Variants in BABAM2 observed in about 807,000 individuals in gnomAD.
The protein encoded by BABAM2 is BRISC and BRCA1 A complex member 2, also known as BRISC and BRCA1-A complex member 2.
A neutral mutation model predicts 54.7 loss-of-function variants in BABAM2; 31 were observed. That is an observed-to-expected ratio of 0.57 (90% CI 0.43 to 0.77). The LOEUF (loss-of-function observed/expected upper bound fraction) is 0.77. Among genes scored for constraint, BABAM2 ranks in the 30% least tolerant of loss-of-function variants. BABAM2 has a pLI of 0.00. For missense variants in BABAM2, 364 were observed against 455.8 expected (o/e 0.80, Z 1.83); for synonymous variants, 167 against 162.9 (o/e 1.03, Z -0.19).
At chr2:28,278,316 C>G (rs140575767) in intron 10 of BABAM2, among the ~76,000 whole-genome samples, 1 of 151,910 alleles carries the variant, frequency 6.6e-6, no homozygotes, top group South Asian at 2.1e-4. Context: ...TGATAAACCA[C>G]TTGGGAAACT....
chr2:28,319,153 C>T (rs1689811659), intron 11 of BABAM2, among the ~76,000 whole-genome samples: 1 of 152,200 alleles, frequency 6.6e-6, no homozygotes, highest in Admixed American at 6.5e-5. Context: ...TATAGAATTG[C>T]GTCCCAGTGA....
At chr2:28,205,326 C>A (rs888266063) in intron 7 of BABAM2, among the ~76,000 whole-genome samples, 1 of 151,802 alleles carries the variant, frequency 6.6e-6, no homozygotes, top group African/African-American at 2.4e-5. Context: ...ATGGTAAAAC[C>A]CCGTCTCTAC....
rs114702589 is a variant in BABAM2, at chr2:28,225,178, C to T, written c.681-12024C>T. 6.7e-3 allele frequency among the ~76,000 whole-genome samples: 1,024 copies of T among 152,272 alleles called. 13 individuals carry two copies. The highest frequency in any genetic ancestry group is 0.049 in the South Asian group (234 of 4,818). On this transcript the variant is annotated intron_variant, in intron 7 of 11. Transcript: ENST00000379624. Reference sequence around the variant, plus strand: ...GCTGCTTAGGCCAACCCGGGCTGATCGCAGTAGAGACAGGGCAGCCACAAG... The same window carrying T: ...GCTGCTTAGGCCAACCCGGGCTGATTGCAGTAGAGACAGGGCAGCCACAAG...
In BABAM2 at chr2:27,944,988, T is replaced by C. The variant is rs115168425; in HGVS notation, c.205+15080T>C. Among the ~76,000 whole-genome samples, 1,449 of 152,038 alleles carry C rather than the reference T, an allele frequency of 9.5e-3. 15 individuals carry two copies. The highest frequency in any genetic ancestry group is 0.016 in the Non-Finnish European group (1,118 of 67,980). On this transcript the variant is annotated intron_variant, in intron 3 of 11. Coordinates refer to ENST00000379624, the MANE Select transcript of BABAM2 (RefSeq NM_199191.3). Reference sequence around the variant, plus strand: ...TGCCAACATTAGTATTGTTGATCCATTTTGAGCTACCTTTTTTTTTTTTAA... The same window carrying C: ...TGCCAACATTAGTATTGTTGATCCACTTTGAGCTACCTTTTTTTTTTTTAA...
At chr2:28,219,106 G>C (rs1211996073) in intron 7 of BABAM2, among the ~76,000 whole-genome samples, 1 of 152,202 alleles carries the variant, frequency 6.6e-6, no homozygotes, top group African/African-American at 2.4e-5. Context: ...CCAGTGCAGA[G>C]CTCCTGCGGC....
At chr2:28,175,905 C>T (rs1313547078) in intron 7 of BABAM2, among the ~76,000 whole-genome samples, 1 of 152,204 alleles carries the variant, frequency 6.6e-6, no homozygotes, top group Non-Finnish European at 1.5e-5. Context: ...AACAAAACCT[C>T]ACCACAGCCT....
At chr2:28,202,017 G>T (rs1205622878) in intron 7 of BABAM2, among the ~76,000 whole-genome samples, 2 of 152,164 alleles carry the variant, frequency 1.3e-5, no homozygotes, top group African/African-American at 2.4e-5. Flanking sequence ...GGAATTGCAG[G>T]TCAGGAGCAT....
chr2:28,318,974 G>A (rs1689797270), intron 11 of BABAM2, among the ~76,000 whole-genome samples: 1 of 152,192 alleles, frequency 6.6e-6, no homozygotes, highest in South Asian at 2.1e-4. Flanking sequence ...CTTCCTTTCT[G>A]AGCCTAAGCA....
At chr2:28,163,161 A>G (rs1422429349) in intron 7 of BABAM2, among the ~76,000 whole-genome samples, 1 of 152,034 alleles carries the variant, frequency 6.6e-6, no homozygotes, top group Admixed American at 6.6e-5. Context: ...AGCCTAGTGA[A>G]ATCCTCACTC....
intron 11 of BABAM2, among the ~76,000 whole-genome samples, chr2:28,303,718 C>G (rs1178973066): frequency 6.6e-6 from 1 of 152,050 alleles, no homozygotes; most frequent in Non-Finnish European, 1.5e-5. Context: ...CCAACGCCCC[C>G]CCCACCAAAA....
At chr2:28,193,304 A>G (rs1278596728) in intron 7 of BABAM2, among the ~76,000 whole-genome samples, 1 of 152,158 alleles carries the variant, frequency 6.6e-6, no homozygotes, top group Non-Finnish European at 1.5e-5. Context: ...GAACCTCTAC[A>G]TTCTTGAGCC....
intron 1 of BABAM2, among the ~76,000 whole-genome samples, chr2:27,893,992 C>CAAAAAAA (rs778759632): frequency 2.5e-5 from 1 of 40,622 alleles, no homozygotes; most frequent in African/African-American, 7.6e-5. Context: ...GACTCTGTCG[C>CAAAAAAA]AAAAAAAAAA....
In BABAM2 at chr2:28,194,932, G is replaced by A. The variant is rs79364836; in HGVS notation, c.681-42270G>A. On this transcript the variant is annotated intron_variant, in intron 7 of 11. Coordinates refer to ENST00000379624, the MANE Select transcript of BABAM2 (RefSeq NM_199191.3). ...CCTGGTCTTGAATTCCTGGCATCAC[G>A]TGATCCACCTGCCTCCGCCTCCCAA... Among the ~76,000 whole-genome samples the A allele has an allele frequency of 9.4e-3, 1,425 of 152,276 alleles. 88 individuals are homozygous for A. In the East Asian group the frequency reaches 0.17, roughly 18 times the overall value.
intron 3 of BABAM2, among the ~76,000 whole-genome samples, chr2:27,944,485 A>G (rs1669149342): frequency 6.6e-6 from 1 of 152,158 alleles, no homozygotes; most frequent in Non-Finnish European, 1.5e-5. Flanking sequence ...ATAATATATT[A>G]TGTAGTTTTT....
upstream of BABAM2, chr2:27,890,160 C>A: frequency 8.8e-7 from 1 of 1,130,194 alleles, no homozygotes; most frequent in South Asian, 1.3e-5. This position sits in a 1 kb window ranked among gnomAD's most constrained non-coding sequence, Gnocchi z 4.8. Flanking sequence ...CACTGTCTAT[C>A]CCTGGAGACC....
At chr2:27,921,960 A>G (rs1449486636) in intron 2 of BABAM2, among the ~76,000 whole-genome samples, 4 of 152,318 alleles carry the variant, frequency 2.6e-5, no homozygotes, top group Admixed American at 2.0e-4. Flanking sequence ...GTACAACACT[A>G]GGAGTCAAGA....
intron 7 of BABAM2, among the ~76,000 whole-genome samples, chr2:28,234,372 C>T (rs1681709837): frequency 6.6e-6 from 1 of 152,036 alleles, no homozygotes; most frequent in Non-Finnish European, 1.5e-5. Context: ...TCTCTTCACA[C>T]CTCTGCTTTT....
At chr2:27,970,644 T>A (rs1203397323) in intron 3 of BABAM2, among the ~76,000 whole-genome samples, 3 of 152,134 alleles carry the variant, frequency 2.0e-5, no homozygotes, top group Non-Finnish European at 4.4e-5. Context: ...TGTAACATGG[T>A]TACAGTAGCA....
At chr2:28,169,595 A>G (rs10198041) in intron 7 of BABAM2, among the ~76,000 whole-genome samples, 42,580 of 151,802 alleles carry the variant, frequency 0.28, 6,910 homozygotes, top group East Asian at 0.67. Flanking sequence ...TGGGCAACAT[A>G]ACAAGGCTTA....
Sources: allele counts gnomAD v4.1 joint callset (sites outside exome capture counted in the v4.1 genomes callset), GRCh38; gene constraint gnomAD v4.1.1; non-coding constraint Gnocchi (gnomAD v3.1); transcripts MANE v1.5; gene names NCBI Gene and HGNC (gene_info 2026-07-23, HGNC 2026-07-21).